AP1S3: variants seen among roughly 807,000 people sequenced by gnomAD.
AP1S3 encodes the protein AP-1 complex subunit sigma-3.
AP1S3 carries 10 observed loss-of-function variants against 20.9 expected under a neutral mutation model. That is an observed-to-expected ratio of 0.48 (90% CI 0.29 to 0.81). The LOEUF is 0.81. Among genes scored for constraint, AP1S3 ranks in the 30% least tolerant of loss-of-function variants. The pLI is 0.08. For missense variants in AP1S3, 154 were observed against 183.8 expected (o/e 0.84, Z 0.94); for synonymous variants, 41 against 61.5 (o/e 0.67, Z 1.56).
chr2:223,770,377 T>G, intron 3 of AP1S3: 1 of 1,546,572 alleles, frequency 6.5e-7, no homozygotes, highest in Non-Finnish European at 8.7e-7. Flanking sequence ...GAACTTCTTA[T>G]ACCCCACTTT....
rs57103665 is a variant in AP1S3, at chr2:223,780,357, AGT to A, written c.4-2490_4-2489del. On this transcript the variant is annotated intron_variant, in intron 1 of 4. Transcript: ENST00000396654. Reference sequence around the variant, plus strand: ...GAGAGAGAGAGAGAGAGAGAGAGAGAGTGTGTGTGTGTGTGTGTGTGTGTGTG... The same window carrying A: ...GAGAGAGAGAGAGAGAGAGAGAGAGAGTGTGTGTGTGTGTGTGTGTGTGTG... 2.8e-3 allele frequency among the ~76,000 whole-genome samples: 126 copies of A among 44,430 alleles called. 1 individual carries two copies. Among genetic ancestry groups the A allele is most frequent in the Admixed American group, 3.0e-3 (7 of 2,318 alleles). The allele number at this position is 44,430 out of a possible 152,430, so 29.1% of individuals were successfully genotyped here.
intron 1 of AP1S3, among the ~76,000 whole-genome samples, chr2:223,818,777 C>T (rs1310579150): frequency 1.3e-5 from 2 of 152,138 alleles, no homozygotes; most frequent in African/African-American, 2.4e-5. Context: ...TGGTCTCAAA[C>T]TCCTGACCTC....
At chr2:223,790,844 A>G (rs1270432697) in intron 1 of AP1S3, among the ~76,000 whole-genome samples, 2 of 152,172 alleles carry the variant, frequency 1.3e-5, no homozygotes, top group African/African-American at 4.8e-5. Context: ...GGATATCATC[A>G]CTGACCCCAC....
In AP1S3 at chr2:223,785,342, CA is replaced by C. The variant is rs574427416; in HGVS notation, c.4-7474del. ...GGGCAATAAGACCGAAACTCCATCTCAAAAAATAAAAACAAAAATAAAAAGA... is the reference window on the plus strand; with the variant it reads ...GGGCAATAAGACCGAAACTCCATCTCAAAAATAAAAACAAAAATAAAAAGA... On this transcript the variant is annotated intron_variant, in intron 1 of 4. Transcript: ENST00000396654. 2.0e-3 allele frequency among the ~76,000 whole-genome samples: 300 copies of C among 151,608 alleles called. 1 individual carries two copies. Among genetic ancestry groups the C allele is most frequent in the African/African-American group, 6.6e-3 (273 of 41,340 alleles).
intron 3 of AP1S3, among the ~76,000 whole-genome samples, chr2:223,771,359 T>C (rs554678801): frequency 2.2e-4 from 33 of 151,950 alleles, no homozygotes; most frequent in African/African-American, 7.2e-4. Context: ...CAAAATAAAA[T>C]AAAATAAAAT....
At chr2:223,832,748 C>T (rs1023825386) in intron 1 of AP1S3, among the ~76,000 whole-genome samples, 7 of 151,822 alleles carry the variant, frequency 4.6e-5, no homozygotes, top group Admixed American at 1.3e-4. Flanking sequence ...GGTTTTTCCA[C>T]CCTCACCCTC....
intron 1 of AP1S3, among the ~76,000 whole-genome samples, chr2:223,795,524 T>C (rs987234122): frequency 4.6e-5 from 7 of 152,174 alleles, no homozygotes; most frequent in African/African-American, 1.4e-4. Context: ...GCCAAAATGG[T>C]GTAACTCAAT....
chr2:223,829,518 G>A (rs1347494386), intron 1 of AP1S3, among the ~76,000 whole-genome samples: 2 of 151,980 alleles, frequency 1.3e-5, no homozygotes, highest in African/African-American at 2.4e-5. Flanking sequence ...ACTTGAGGTC[G>A]GGAGTTCGAG....
intron 1 of AP1S3, among the ~76,000 whole-genome samples, chr2:223,809,337 T>C (rs745703462): frequency 2.6e-5 from 4 of 152,094 alleles, no homozygotes; most frequent in South Asian, 4.1e-4. Context: ...CTTACCCCCA[T>C]TGAATCTGTT....
At chr2:223,837,251 G>A (rs1369910345) in intron 1 of AP1S3, among the ~76,000 whole-genome samples, 197 bp downstream of exon 1, 3 of 151,554 alleles carry the variant, frequency 2.0e-5, no homozygotes, top group African/African-American at 7.3e-5. Flanking sequence ...GTTGCCGCAG[G>A]AATCCCGGGC....
intron 1 of AP1S3, among the ~76,000 whole-genome samples, chr2:223,819,488 C>T (rs1313097303): frequency 1.3e-5 from 2 of 151,356 alleles, no homozygotes; most frequent in East Asian, 1.9e-4. Flanking sequence ...TGTGTAGCTA[C>T]AGAAATAAAC....
At chr2:223,760,494 C>T (rs1436789604) in intron 4 of AP1S3, among the ~76,000 whole-genome samples, 3 of 152,176 alleles carry the variant, frequency 2.0e-5, no homozygotes, top group Non-Finnish European at 4.4e-5. Context: ...ATTCAGTCAT[C>T]CACATTTACT....
intron 1 of AP1S3, among the ~76,000 whole-genome samples, chr2:223,785,379 T>A (rs931874198): frequency 6.6e-6 from 1 of 152,118 alleles, no homozygotes; most frequent in Non-Finnish European, 1.5e-5. Flanking sequence ...TTATATTGTG[T>A]GTGTAGTATA....
At chr2:223,780,844 G>C (rs753545121) in intron 1 of AP1S3, among the ~76,000 whole-genome samples, 11 of 151,674 alleles carry the variant, frequency 7.3e-5, no homozygotes, top group Non-Finnish European at 1.6e-4. Context: ...TCTTACATGG[G>C]TATATTGCAT....
At chr2:223,809,877 C>T (rs1489994462) in intron 1 of AP1S3, among the ~76,000 whole-genome samples, 2 of 151,588 alleles carry the variant, frequency 1.3e-5, no homozygotes, top group African/African-American at 4.8e-5. Flanking sequence ...TACAGACACA[C>T]GCCACCACGC....
At chr2:223,796,959 T>C (rs1691352272) in intron 1 of AP1S3, among the ~76,000 whole-genome samples, 1 of 152,208 alleles carries the variant, frequency 6.6e-6, no homozygotes, top group South Asian at 2.1e-4. Flanking sequence ...CCACGGCGCC[T>C]GGCCCTCTAA....
chr2:223,836,633 G>C (rs771013752), intron 1 of AP1S3, among the ~76,000 whole-genome samples: 17 of 152,166 alleles, frequency 1.1e-4, no homozygotes, highest in Non-Finnish European at 1.5e-4. Flanking sequence ...CCCGTTACTC[G>C]GGAGGCTGAG....
chr2:223,804,816 G>C (rs1014868847), intron 1 of AP1S3, among the ~76,000 whole-genome samples: 1 of 152,038 alleles, frequency 6.6e-6, no homozygotes, highest in Non-Finnish European at 1.5e-5. Context: ...GGTAAAATCT[G>C]CAAATTATGT....
intron 1 of AP1S3, among the ~76,000 whole-genome samples, chr2:223,833,735 C>T (rs1252225719): frequency 6.6e-6 from 1 of 152,166 alleles, no homozygotes; most frequent in Non-Finnish European, 1.5e-5. Context: ...TTTCTTACAA[C>T]TTGAAGGTAA....
Sources: gnomAD v4.1 joint callset for allele counts (sites outside exome capture counted in the v4.1 genomes callset) on GRCh38, gnomAD v4.1.1 for gene constraint, MANE v1.5 for transcripts, NCBI Gene and HGNC (gene_info 2026-07-23, HGNC 2026-07-21) for gene names.